The following SLC25A48 variants were observed in gnomAD, a reference collection of about 807,000 sequenced individuals.
The protein encoded by SLC25A48 is solute carrier family 25 member 48.
SLC25A48 carries 29 observed loss-of-function variants against 32.2 expected under a neutral mutation model. That is an observed-to-expected ratio of 0.90 (90% CI 0.67 to 1.23). The LOEUF is 1.23. Ranked by LOEUF, SLC25A48 falls within the 50% of genes most tolerant of loss-of-function variation. SLC25A48 has a pLI of 0.00. For missense variants in SLC25A48, 399 were observed against 422.7 expected (o/e 0.94, Z 0.49); for synonymous variants, 164 against 172.3 (o/e 0.95, Z 0.38).
chr5:135,774,514 C>T (rs1042947171), intron 3 of SLC25A48, among the ~76,000 whole-genome samples: 23 of 151,624 alleles, frequency 1.5e-4, no homozygotes, highest in Admixed American at 1.2e-3. Flanking sequence ...CATGCACATG[C>T]CCCCTGTGAT....
intron 3 of SLC25A48, among the ~76,000 whole-genome samples, chr5:135,763,638 T>G (rs1165967508): frequency 6.6e-6 from 1 of 152,014 alleles, no homozygotes; most frequent in East Asian, 1.9e-4. Context: ...CCAACAGGTG[T>G]TCCACTGGCC....
At chr5:135,773,097 C>T (rs1203382997) in intron 3 of SLC25A48, among the ~76,000 whole-genome samples, 5 of 149,816 alleles carry the variant, frequency 3.3e-5, no homozygotes, top group Non-Finnish European at 3.0e-5. Flanking sequence ...CTCTCAATAT[C>T]GCAGGGGGTG....
intron 4 of SLC25A48, among the ~76,000 whole-genome samples, chr5:135,814,182 G>A (rs1757659322): frequency 1.3e-5 from 2 of 152,162 alleles, no homozygotes; most frequent in Admixed American, 1.3e-4. Context: ...CATTGCCATG[G>A]ATGTCCCTGA....
At chr5:135,667,173 C>T (rs778934176) in intron 3 of SLC25A48, among the ~76,000 whole-genome samples, 10 of 152,144 alleles carry the variant, frequency 6.6e-5, no homozygotes, top group Non-Finnish European at 1.2e-4. Context: ...CTGCCCTTGC[C>T]TCTGTGTGCC....
At chr5:135,815,145 GC>G (rs2126654595) in intron 4 of SLC25A48, among the ~76,000 whole-genome samples, 1 of 152,328 alleles carries the variant, frequency 6.6e-6, no homozygotes, top group South Asian at 2.1e-4. Flanking sequence ...GTACTCTAAA[GC>G]AGCGGTCCCC....
chr5:135,871,096 C>T (rs1378760449), intron 4 of SLC25A48, among the ~76,000 whole-genome samples: 2 of 128,922 alleles, frequency 1.6e-5, no homozygotes, highest in African/African-American at 6.6e-5. Flanking sequence ...CACACACACA[C>T]ACACACACAC....
intron 4 of SLC25A48, among the ~76,000 whole-genome samples, chr5:135,828,348 T>A (rs1416518568): frequency 6.6e-6 from 1 of 152,194 alleles, no homozygotes; most frequent in Admixed American, 6.5e-5. Flanking sequence ...GTGCCAGTCA[T>A]GGTGCAGAGT....
chr5:135,804,427 C>CTG (rs148050459), intron 3 of SLC25A48, among the ~76,000 whole-genome samples: 1 of 151,398 alleles, frequency 6.6e-6, no homozygotes, highest in Non-Finnish European at 1.5e-5. Flanking sequence ...TAAGATCTCG[C>CTG]TGTGTGTGTG....
At chr5:135,712,360 G>A (rs996149076) in intron 3 of SLC25A48, among the ~76,000 whole-genome samples, 1 of 152,166 alleles carries the variant, frequency 6.6e-6, no homozygotes, top group East Asian at 1.9e-4. Flanking sequence ...TGAGTTTTCT[G>A]TGTCTTTCAA....
intron 3 of SLC25A48, among the ~76,000 whole-genome samples, chr5:135,643,138 T>C (rs1319012385): frequency 1.2e-4 from 19 of 152,220 alleles, no homozygotes; most frequent in Non-Finnish European, 2.1e-4. Flanking sequence ...CTGCGACACA[T>C]CCTTGGTGGA....
intron 4 of SLC25A48, among the ~76,000 whole-genome samples, chr5:135,855,728 C>A (rs1325861039): frequency 6.6e-6 from 1 of 152,192 alleles, no homozygotes; most frequent in Non-Finnish European, 1.5e-5. Context: ...CGAAGCTAGC[C>A]CCAGCTGAGC....
chr5:135,691,611 A>C (rs1304664180), intron 3 of SLC25A48, among the ~76,000 whole-genome samples: 1 of 152,210 alleles, frequency 6.6e-6, no homozygotes, highest in Non-Finnish European at 1.5e-5. Flanking sequence ...TAACTAGAAG[A>C]GTCCCAGGCA....
intron 3 of SLC25A48, among the ~76,000 whole-genome samples, chr5:135,640,851 T>C (rs896028486): frequency 6.6e-6 from 1 of 152,176 alleles, no homozygotes; most frequent in Non-Finnish European, 1.5e-5. Flanking sequence ...CTCTCTCAAT[T>C]TGATAAAAGG....
Position 135,871,487 on chromosome 5 carries a change from G to T in SLC25A48, c.448G>T (p.Val150Leu). The change falls in exon 5 of 8, where the codon GTG becomes TTG. Residue 150 changes from valine to leucine, a missense_variant. Transcript: ENST00000681962. ...CAACCTCGGTTTGAAGTCCAGGGCA[G>T]TGGCTCCTGCGGAGCAGCCAGCATA... is the stretch of plus-strand genomic sequence containing the variant. ...DANLGLKSRA[V>L]APAEQPAYQG... 1.9e-6 allele frequency: 3 copies of T among 1,602,202 alleles called. No individual in the cohort carries two copies. In the South Asian group the frequency reaches 3.3e-5, roughly 18 times the overall value.
intron 4 of SLC25A48, among the ~76,000 whole-genome samples, chr5:135,869,317 G>T (rs932700431): frequency 7.2e-5 from 11 of 152,296 alleles, no homozygotes; most frequent in Admixed American, 6.5e-4. Flanking sequence ...TGCACTAACA[G>T]CCATAAATGG....
At chr5:135,731,328 G>A (rs1277436660) in intron 3 of SLC25A48, among the ~76,000 whole-genome samples, 2 of 152,206 alleles carry the variant, frequency 1.3e-5, no homozygotes, top group African/African-American at 2.4e-5. Context: ...CCATCTGGAT[G>A]TATACCTGCA....
At chr5:135,883,073 A>T (rs779548007) in intron 7 of SLC25A48, 121 of 985,454 alleles carry the variant, frequency 1.2e-4, no homozygotes, top group South Asian at 1.1e-3. Context: ...GTCTCATCCC[A>T]TTAACAGGTC....
At chr5:135,861,549 C>T (rs1001077759) in intron 4 of SLC25A48, among the ~76,000 whole-genome samples, 1 of 152,124 alleles carries the variant, frequency 6.6e-6, no homozygotes, top group Non-Finnish European at 1.5e-5. Flanking sequence ...AAGACCTCAG[C>T]ACAATGTCTG....
intron 3 of SLC25A48, among the ~76,000 whole-genome samples, chr5:135,668,349 C>A (rs1452938557): frequency 6.6e-6 from 1 of 152,148 alleles, no homozygotes; most frequent in Non-Finnish European, 1.5e-5. Context: ...ATAAAATATA[C>A]CTAGAAGAGT....
Sources: allele counts gnomAD v4.1 joint callset (sites outside exome capture counted in the v4.1 genomes callset), GRCh38; gene constraint gnomAD v4.1.1; transcripts MANE v1.5; gene names NCBI Gene and HGNC (gene_info 2026-07-23, HGNC 2026-07-21).